Variants in SPON1 observed in about 807,000 individuals in gnomAD.
The protein encoded by SPON1 is spondin 1.
Under a neutral mutation model 111.7 loss-of-function variants are expected in SPON1, and 52 were observed. That is an observed-to-expected ratio of 0.47 (90% CI 0.37 to 0.59). SPON1 has a LOEUF of 0.59. Ranked by LOEUF, SPON1 falls within the 20% of genes least tolerant of loss-of-function variation. The pLI is 0.00. For synonymous variants in SPON1, 410 were observed against 395.8 expected (o/e 1.04, Z -0.43); for missense variants, 957 against 1,068.5 (o/e 0.90, Z 1.46).
intron 2 of SPON1, among the ~76,000 whole-genome samples, chr11:14,018,792 G>A (rs1327619708): frequency 2.0e-5 from 3 of 152,136 alleles, no homozygotes; most frequent in Non-Finnish European, 4.4e-5. Context: ...AGGCTCCAAC[G>A]GTACAACAAG....
At chr11:14,225,334 T>C (rs538531329) in intron 6 of SPON1, among the ~76,000 whole-genome samples, 1 of 152,312 alleles carries the variant, frequency 6.6e-6, no homozygotes. Flanking sequence ...GAACATATTT[T>C]GTATACGGAA....
chr11:14,149,430 A>G (rs1404967497), intron 6 of SPON1, among the ~76,000 whole-genome samples: 1 of 152,122 alleles, frequency 6.6e-6, no homozygotes, highest in African/African-American at 2.4e-5. Flanking sequence ...GTCGTTAAAA[A>G]GGTAAAAAAA....
chr11:13,977,963 G>A (rs1848115238), intron 1 of SPON1, among the ~76,000 whole-genome samples: 1 of 152,140 alleles, frequency 6.6e-6, no homozygotes, highest in African/African-American at 2.4e-5. Context: ...TTAGGTTGGT[G>A]TGAAAGTAAT....
chr11:14,078,592 G>T (rs1554921719), intron 4 of SPON1, among the ~76,000 whole-genome samples: 1 of 152,084 alleles, frequency 6.6e-6, no homozygotes, highest in East Asian at 1.9e-4. Context: ...AGAGATTAAG[G>T]GTATGAGTCC....
chr11:14,024,038 G>A (rs1347043873), intron 2 of SPON1, among the ~76,000 whole-genome samples: 3 of 152,028 alleles, frequency 2.0e-5, no homozygotes, highest in Non-Finnish European at 4.4e-5. Context: ...AGCAATTTGG[G>A]GACCTTATCT....
intron 2 of SPON1, among the ~76,000 whole-genome samples, chr11:14,003,296 C>T (rs532993049): frequency 7.2e-5 from 11 of 152,258 alleles, no homozygotes; most frequent in African/African-American, 2.2e-4. Flanking sequence ...TGAGATCAGT[C>T]CAAAACATTT....
chr11:14,169,067 G>A (rs1554932138), intron 6 of SPON1, among the ~76,000 whole-genome samples: 1 of 152,150 alleles, frequency 6.6e-6, no homozygotes, highest in Non-Finnish European at 1.5e-5. Context: ...GATCCCTGAG[G>A]AATCACCACA....
At chr11:14,078,850 A>G (rs577945094) in intron 4 of SPON1, among the ~76,000 whole-genome samples, 1 of 152,328 alleles carries the variant, frequency 6.6e-6, no homozygotes, top group South Asian at 2.1e-4. Context: ...AGAACCTAGA[A>G]TTCACTTCTA....
chr11:13,965,203 C>T (rs1351093065), intron 1 of SPON1, among the ~76,000 whole-genome samples: 2 of 152,112 alleles, frequency 1.3e-5, no homozygotes, highest in Non-Finnish European at 2.9e-5. Flanking sequence ...CCTCCAGTCC[C>T]ATTCATCTAC....
At chr11:14,124,183 C>T (rs937777971) in intron 5 of SPON1, among the ~76,000 whole-genome samples, 1 of 152,172 alleles carries the variant, frequency 6.6e-6, no homozygotes, top group Non-Finnish European at 1.5e-5. Flanking sequence ...TATACACACA[C>T]ACTCACACAC....
Position 14,154,538 on chromosome 11 carries a change from G to A in SPON1, c.825+18970G>A, listed in dbSNP as rs533615374. 5.6e-4 allele frequency among the ~76,000 whole-genome samples: 85 copies of A among 152,342 alleles called. 1 individual carries two copies. Among genetic ancestry groups the A allele is most frequent in the Non-Finnish European group, 1.0e-3 (68 of 68,044 alleles). ...ACAAGGCAGTGGGACCCTGTGCCTG[G>A]CCCACAAAACCATTTTTCCCTCTTG... On this transcript the variant is annotated intron_variant, in intron 6 of 15. Transcript: ENST00000576479.
chr11:14,145,842 A>G (rs1177516816), intron 6 of SPON1, among the ~76,000 whole-genome samples: 1 of 152,188 alleles, frequency 6.6e-6, no homozygotes, highest in Non-Finnish European at 1.5e-5. Context: ...CCATGCAGCT[A>G]TTAAAAAGAA....
intron 6 of SPON1, among the ~76,000 whole-genome samples, chr11:14,199,907 C>A (rs1201064830): frequency 2.0e-5 from 3 of 152,230 alleles, no homozygotes; most frequent in African/African-American, 4.8e-5. Context: ...CATCTGCAAC[C>A]TCATTTCCTC....
At chr11:14,169,641 G>A (rs183232751) in intron 6 of SPON1, among the ~76,000 whole-genome samples, 1 of 150,968 alleles carries the variant, frequency 6.6e-6, no homozygotes, top group Admixed American at 6.6e-5. Flanking sequence ...GGTCTAACAT[G>A]TAAGTCTTTA....
chr11:14,000,122 G>A (rs1848305684), intron 2 of SPON1, among the ~76,000 whole-genome samples: 1 of 152,130 alleles, frequency 6.6e-6, no homozygotes, highest in South Asian at 2.1e-4. Flanking sequence ...TATCCGCCAT[G>A]GTTGATCACT....
intron 6 of SPON1, among the ~76,000 whole-genome samples, chr11:14,147,750 A>AC (rs1418534756): frequency 2.2e-5 from 2 of 90,008 alleles, no homozygotes; most frequent in Non-Finnish European, 5.1e-5. Flanking sequence ...AAATACTAAG[A>AC]CTTTTTTTTT....
At chr11:14,008,519 G>A (rs1554913409) in intron 2 of SPON1, among the ~76,000 whole-genome samples, 1 of 152,024 alleles carries the variant, frequency 6.6e-6, no homozygotes, top group Non-Finnish European at 1.5e-5. Context: ...CTCAACAAGT[G>A]ACCTTGTTGT....
At chr11:13,984,136 T>C (rs1331741521) in intron 2 of SPON1, among the ~76,000 whole-genome samples, 3 of 152,234 alleles carry the variant, frequency 2.0e-5, no homozygotes, top group Admixed American at 6.5e-5. Flanking sequence ...GTACATACCA[T>C]ATGCCAGACA....
chr11:14,012,292 C>A (rs183229502), intron 2 of SPON1, among the ~76,000 whole-genome samples: 2 of 152,294 alleles, frequency 1.3e-5, no homozygotes, highest in South Asian at 2.1e-4. Context: ...CACCTCCCAT[C>A]CTAACACCCA....
Sources: gnomAD v4.1 joint callset for allele counts (sites outside exome capture counted in the v4.1 genomes callset) on GRCh38, gnomAD v4.1.1 for gene constraint, MANE v1.5 for transcripts, NCBI Gene and HGNC (gene_info 2026-07-23, HGNC 2026-07-21) for gene names.